LYRM7: variants seen among roughly 807,000 people sequenced by gnomAD.
LYRM7 encodes LYR motif containing 7.
LYRM7 carries 9 observed loss-of-function variants against 15.8 expected under a neutral mutation model. The ratio of observed to expected loss-of-function variants is 0.57; its 90% CI spans 0.34 to 0.99. LYRM7 has a LOEUF of 0.99. LYRM7 is among the 50% of genes least tolerant of loss of function. The probability of loss-of-function intolerance (pLI) is 0.02; values close to 1 mark genes in which losing one functional copy is unlikely to be tolerated. For synonymous variants in LYRM7, 39 were observed against 39.4 expected, an observed-to-expected ratio of 0.99 and a Z score of 0.04; for missense variants, 115 against 119.1, an observed-to-expected ratio of 0.97 and a Z score of 0.16.
At chr5:131,180,004 TA>T in intron 1 of LYRM7, 90 bp from the exon 2 acceptor site, 3 of 865,014 alleles carry the variant, frequency 3.5e-6, no homozygotes, top group Non-Finnish European at 5.7e-6. Context: ...ACTCCTGGGC[TA>T]AAGCGATCCT....
intron 4 of LYRM7, 128 bp downstream of exon 4, chr5:131,187,237 A>G (rs1055071976): frequency 1.9e-6 from 1 of 538,532 alleles, no homozygotes; most frequent in Non-Finnish European, 3.3e-6. Context: ...TATAGCATAT[A>G]TATTTTACAA....
At chr5:131,177,471 C>A (rs753470754) in intron 1 of LYRM7, among the ~76,000 whole-genome samples, 13 of 152,120 alleles carry the variant, frequency 8.5e-5, no homozygotes, top group African/African-American at 1.7e-4. Context: ...TGTATTTGCC[C>A]TTGTCTTTGA....
At position 131,202,924 on chromosome 5, in the gene LYRM7, A is replaced by G. The variant is rs547320494; in HGVS notation, c.*3323A>G. 4 of 152,480 alleles carry G rather than the reference A, an allele frequency of 2.6e-5. No homozygotes were observed. Among genetic ancestry groups the G allele is most frequent in the Admixed American group, 6.5e-5 (1 of 15,300 alleles). The allele number at this position is 152,480 out of a possible 1,614,324, so 9.4% of individuals were successfully genotyped here. A position where few individuals can be genotyped will look rare whatever the true frequency, so the allele number is the denominator to read the frequency against. ...CATATGTAGATTCGAAGCTGGGGGA[A>G]TATGGCAGGTAGTTTGTACAACATC... is the stretch of plus-strand genomic sequence containing the variant. On this transcript the variant is annotated 3_prime_UTR_variant, in exon 5 of 5. Coordinates refer to ENST00000379380, the MANE Select transcript of LYRM7 (RefSeq NM_181705.4).
At position 131,205,406 on chromosome 5, in the gene LYRM7, A is replaced by C. The variant is rs1756162750; in HGVS notation, c.*5805A>C. On this transcript the variant is annotated 3_prime_UTR_variant, in exon 5 of 5. Coordinates refer to ENST00000379380, the MANE Select transcript of LYRM7 (RefSeq NM_181705.4). ...GTTTTATTCCATTGTAAGAATAAAC[A>C]AGTTTGTTCATTCATGTCTCCATTG... The C allele has an allele frequency of 6.6e-6, 1 of 152,228 alleles. No homozygotes were observed. The highest frequency in any genetic ancestry group is 1.5e-5 in the Non-Finnish European group (1 of 68,036). The allele number at this position is 152,228 out of a possible 1,614,324, so 9.4% of individuals were successfully genotyped here.
At chr5:131,191,163 G>A (rs573317568) in intron 4 of LYRM7, among the ~76,000 whole-genome samples, 4 of 151,350 alleles carry the variant, frequency 2.6e-5, no homozygotes, top group African/African-American at 4.8e-5. Flanking sequence ...GTGTGTGTGT[G>A]TATATATATG....
intron 2 of LYRM7, among the ~76,000 whole-genome samples, chr5:131,181,431 CATATATATGTATATATATATA>C (rs1561544532): frequency 2.6e-4 from 28 of 108,234 alleles, no homozygotes; most frequent in African/African-American, 1.1e-3. Context: ...ATATATATAA[CATATATATGTATATATATATA>C]AAACATATAT....
At chr5:131,173,115 C>G (rs1005218886) in intron 1 of LYRM7, among the ~76,000 whole-genome samples, 1 of 152,056 alleles carries the variant, frequency 6.6e-6, no homozygotes, top group African/African-American at 2.4e-5. Context: ...TTTTTAATCC[C>G]ATGCAACATG....
At chr5:131,189,756 C>T (rs1425069668) in intron 4 of LYRM7, among the ~76,000 whole-genome samples, 1 of 152,088 alleles carries the variant, frequency 6.6e-6, no homozygotes, top group Non-Finnish European at 1.5e-5. Context: ...TTTTTACAGC[C>T]TTATAATAGA....
In LYRM7 at chr5:131,192,969, A is replaced by G. The variant is rs116505690; in HGVS notation, c.244+5860A>G. Among the ~76,000 whole-genome samples, 625 of 152,226 alleles carry G rather than the reference A, an allele frequency of 4.1e-3. 6 individuals carry two copies. The highest frequency in any genetic ancestry group is 0.015 in the African/African-American group (607 of 41,534). On this transcript the variant is annotated intron_variant, in intron 4 of 4. Transcript: ENST00000379380. ...TCATTCGTACAAATTTATGATAAAG[A>G]TGGTCCCAAGAAAACCCAGGACTTC...
At chr5:131,187,574 T>C (rs561634481) in intron 4 of LYRM7, among the ~76,000 whole-genome samples, 5 of 151,794 alleles carry the variant, frequency 3.3e-5, no homozygotes, top group Admixed American at 6.6e-5. Context: ...AACCTCCACC[T>C]CCTGGGTTCA....
In LYRM7 at chr5:131,170,996, G is replaced by A; in HGVS notation, c.-25G>A. 2 of 1,543,418 alleles carry A rather than the reference G, an allele frequency of 1.3e-6. No homozygotes were observed. Among genetic ancestry groups the A allele is most frequent in the East Asian group, 2.6e-5 (1 of 38,652 alleles). On this transcript the variant is annotated 5_prime_UTR_variant, in exon 1 of 5. Transcript: ENST00000379380. The stretch of plus-strand genomic sequence containing the variant: ...GGCGGGGCTACTCGACTGCTCTGGA[G>A]GTAGCGGCCGCGGTGAGGAGAGCCA...
At position 131,181,392 on chromosome 5, in the gene LYRM7, ATATAT is replaced by A. The variant is rs202118619; in HGVS notation, c.92-831_92-827del. Reference sequence around the variant, plus strand: ...ATATATGTATATATAATATATACATATATATTATATATACATATATATGTTTATAT... The same window carrying A: ...ATATATGTATATATAATATATACATATATATATACATATATATGTTTATAT... On this transcript the variant is annotated intron_variant, in intron 2 of 4. Transcript: ENST00000379380. Among the ~76,000 whole-genome samples, 13 of 98,384 alleles carry A rather than the reference ATATAT, an allele frequency of 1.3e-4. 2 individuals are homozygous for A. The highest frequency in any genetic ancestry group is 7.3e-4 in the African/African-American group (12 of 16,542). 64.5% of individuals were successfully genotyped at this position (98,384 alleles called of 152,430 possible). A position where few individuals can be genotyped will look rare whatever the true frequency, so the allele number is the denominator to read the frequency against.
intron 4 of LYRM7, among the ~76,000 whole-genome samples, chr5:131,193,016 C>G (rs1297605603): frequency 6.6e-6 from 1 of 152,050 alleles, no homozygotes; most frequent in Non-Finnish European, 1.5e-5. Context: ...TTTTACGGTA[C>G]TTAGTTTTTT....
In LYRM7 at chr5:131,181,397, T is replaced by TATTA. The variant is rs200207805; in HGVS notation, c.92-832_92-831insATTA. ...TGTATATATAATATATACATATATA[T>TATTA]TATATATACATATATATGTTTATAT... is the stretch of plus-strand genomic sequence containing the variant. On this transcript the variant is annotated intron_variant, in intron 2 of 4. Transcript: ENST00000379380. 7.0e-4 allele frequency among the ~76,000 whole-genome samples: 70 copies of TATTA among 99,344 alleles called. 1 individual carries two copies. Among genetic ancestry groups the TATTA allele is most frequent in the Middle Eastern group, 5.3e-3 (1 of 190 alleles). The allele number at this position is 99,344 out of a possible 152,430, so 65.2% of individuals were successfully genotyped here. A position where few individuals can be genotyped will look rare whatever the true frequency, so the allele number is the denominator to read the frequency against.
intron 4 of LYRM7, among the ~76,000 whole-genome samples, chr5:131,187,776 G>T (rs1346988618): frequency 6.6e-6 from 1 of 151,968 alleles, no homozygotes; most frequent in East Asian, 1.9e-4. Flanking sequence ...ATGAGCCATT[G>T]CACCTGGCCT....
At chr5:131,171,765 A>G (rs569077794) in intron 1 of LYRM7, 1 of 152,324 alleles carries the variant, frequency 6.6e-6, no homozygotes, top group Non-Finnish European at 1.5e-5. Flanking sequence ...ATAGCCTGCT[A>G]TAATATGGTG....
chr5:131,172,661 T>C (rs570401544), intron 1 of LYRM7, among the ~76,000 whole-genome samples: 7 of 152,168 alleles, frequency 4.6e-5, no homozygotes, highest in African/African-American at 1.7e-4. Context: ...GATACAAAGG[T>C]GACCAGTCCA....
chr5:131,186,926 A>G, intron 3 of LYRM7, 102 bp from the exon 4 acceptor site: 1 of 680,712 alleles, frequency 1.5e-6, no homozygotes, highest in South Asian at 1.8e-5. Context: ...AAACTACTGT[A>G]TTACTTGAAA....
intron 4 of LYRM7, among the ~76,000 whole-genome samples, chr5:131,197,571 A>G: frequency 8.9e-6 from 1 of 112,326 alleles, no homozygotes. Flanking sequence ...TTTGAGAGAG[A>G]GAGTCTGTCT....
Sources: allele counts gnomAD v4.1 joint callset (sites outside exome capture counted in the v4.1 genomes callset), GRCh38; gene constraint gnomAD v4.1.1; transcripts MANE v1.5; gene names NCBI Gene and HGNC (gene_info 2026-07-23, HGNC 2026-07-21).